CDH13: variants seen among roughly 807,000 people sequenced by gnomAD.
The protein encoded by CDH13 is cadherin 13.
A neutral mutation model predicts 63.8 loss-of-function variants in CDH13; 24 were observed. That is an observed-to-expected ratio of 0.38 (90% confidence interval 0.27 to 0.53). The LOEUF is 0.53. CDH13 is among the 20% of genes least tolerant of loss of function. CDH13 has a pLI of 0.85. For missense variants in CDH13, 1,049 were observed against 903.1 expected, an observed-to-expected ratio of 1.16 and a Z score of -2.07; for synonymous variants, 503 against 355.3, an observed-to-expected ratio of 1.42 and a Z score of -4.67.
At chr16:82,987,465 C>T (rs979484253) in intron 2 of CDH13, among the ~76,000 whole-genome samples, 1 of 152,166 alleles carries the variant, frequency 6.6e-6, no homozygotes, top group African/African-American at 2.4e-5. Flanking sequence ...CAACCTCCTC[C>T]TTCTAGGTTC....
intron 2 of CDH13, among the ~76,000 whole-genome samples, chr16:82,962,051 G>T (rs559029573): frequency 3.9e-5 from 6 of 152,178 alleles, no homozygotes; most frequent in Non-Finnish European, 8.8e-5. Context: ...GTGGCCCACT[G>T]GAAGACACCC....
chr16:83,352,555 C>T (rs1172598275), intron 6 of CDH13, among the ~76,000 whole-genome samples: 1 of 152,176 alleles, frequency 6.6e-6, no homozygotes, highest in Non-Finnish European at 1.5e-5. Flanking sequence ...CCACACCATA[C>T]ATACATACAC....
At chr16:82,890,810 C>G (rs1160939291) in intron 2 of CDH13, among the ~76,000 whole-genome samples, 1 of 152,056 alleles carries the variant, frequency 6.6e-6, no homozygotes, top group African/African-American at 2.4e-5. Flanking sequence ...CACCACCACG[C>G]CCAGCTAATT....
intron 8 of CDH13, among the ~76,000 whole-genome samples, chr16:83,662,552 G>A (rs552571432): frequency 1.5e-4 from 23 of 152,278 alleles, no homozygotes; most frequent in Admixed American, 4.6e-4. Flanking sequence ...GGGTGGCTGC[G>A]GAGATGAACC....
intron 5 of CDH13, among the ~76,000 whole-genome samples, chr16:83,295,646 A>G (rs180788664): frequency 6.6e-6 from 1 of 152,342 alleles, no homozygotes; most frequent in Admixed American, 6.5e-5. Flanking sequence ...ACCTGTTAAT[A>G]TGGCTGTTAT....
chr16:82,964,039 G>A (rs1015858813), intron 2 of CDH13, among the ~76,000 whole-genome samples: 5 of 152,114 alleles, frequency 3.3e-5, no homozygotes, highest in Admixed American at 6.6e-5. Flanking sequence ...CTCCCGAGTC[G>A]CTTTGTGTGC....
intron 7 of CDH13, among the ~76,000 whole-genome samples, chr16:83,527,052 A>G (rs1598222977): frequency 6.6e-6 from 1 of 151,650 alleles, no homozygotes; most frequent in Middle Eastern, 3.4e-3. Flanking sequence ...GATCACTTGA[A>G]CCCATGAGGC....
At chr16:82,736,939 C>A (rs370222805) in intron 1 of CDH13, among the ~76,000 whole-genome samples, 1 of 152,112 alleles carries the variant, frequency 6.6e-6, no homozygotes, top group Non-Finnish European at 1.5e-5. Context: ...GCAGCATAAT[C>A]GTGTTTCTTC....
intron 3 of CDH13, among the ~76,000 whole-genome samples, chr16:83,123,007 C>A (rs982280806): frequency 5.9e-5 from 9 of 152,086 alleles, no homozygotes; most frequent in African/African-American, 2.2e-4. Context: ...TGAGCTCCCA[C>A]CAAAAAGTGA....
Position 83,670,833 on chromosome 16 carries a change from A to G in CDH13, c.1145A>G (p.Asn382Ser), listed in dbSNP as rs188725381. 114 of 1,613,934 alleles carry G rather than the reference A, an allele frequency of 7.1e-5. No individual in the cohort carries two copies. Among genetic ancestry groups the G allele is most frequent in the Non-Finnish European group, 8.7e-5 (103 of 1,179,854 alleles). ...GAAGGAGCTGTGGGAGTTATTGTCA[A>G]TTTGACAGTTGAAGATAAGGATGAC... ...VEEGAVGVIV[N>S]LTVEDKDDPT... is the part of the protein sequence containing the mutation. The change falls in exon 9 of 14, where the codon AAT becomes AGT. Residue 382 changes from asparagine (N) to serine (S), a missense_variant. Transcript: ENST00000567109.
intron 3 of CDH13, among the ~76,000 whole-genome samples, chr16:83,079,636 C>A (rs1334355042): frequency 6.6e-6 from 1 of 152,120 alleles, no homozygotes; most frequent in Admixed American, 6.5e-5. Context: ...GTCATTGTTA[C>A]CATTATCCTT....
intron 7 of CDH13, among the ~76,000 whole-genome samples, chr16:83,590,678 G>C (rs979562078): frequency 6.6e-6 from 1 of 152,162 alleles, no homozygotes; most frequent in South Asian, 2.1e-4. Context: ...CATCATAAAT[G>C]GGTGAGTTTT....
At chr16:82,958,132 A>G (rs895947978) in intron 2 of CDH13, among the ~76,000 whole-genome samples, 1 of 152,154 alleles carries the variant, frequency 6.6e-6, no homozygotes, top group African/African-American at 2.4e-5. Context: ...TAAAATCCCA[A>G]TTCTACCCAT....
intron 2 of CDH13, among the ~76,000 whole-genome samples, chr16:82,960,793 G>A (rs897262911): frequency 6.6e-6 from 1 of 151,986 alleles, no homozygotes; most frequent in African/African-American, 2.4e-5. Flanking sequence ...TTTGTCTGTA[G>A]CAAGGTCGTA....
chr16:83,036,108 C>A (rs1057049710), intron 3 of CDH13, among the ~76,000 whole-genome samples: 1 of 150,740 alleles, frequency 6.6e-6, no homozygotes, highest in African/African-American at 2.4e-5. Flanking sequence ...GGGCCTCAGA[C>A]CTTAGCAGCA....
At chr16:83,101,791 C>G (rs1322003542) in intron 3 of CDH13, among the ~76,000 whole-genome samples, 3 of 152,062 alleles carry the variant, frequency 2.0e-5, no homozygotes, top group Non-Finnish European at 4.4e-5. Context: ...GAGATTTCAT[C>G]TCAATAAGGA....
intron 3 of CDH13, among the ~76,000 whole-genome samples, chr16:83,111,833 G>A (rs2035072118): frequency 6.6e-6 from 1 of 152,038 alleles, no homozygotes; most frequent in Non-Finnish European, 1.5e-5. Context: ...AAAACCTAAA[G>A]AGAAAGAGAA....
chr16:83,475,400 A>G (rs916312723), intron 6 of CDH13, among the ~76,000 whole-genome samples: 2 of 152,188 alleles, frequency 1.3e-5, no homozygotes, highest in African/African-American at 2.4e-5. Context: ...CCTGGCTATA[A>G]GATGCAAGGG....
chr16:82,797,253 C>G (rs2036627942), intron 1 of CDH13, among the ~76,000 whole-genome samples: 1 of 152,156 alleles, frequency 6.6e-6, no homozygotes, highest in South Asian at 2.1e-4. Context: ...GTGTGATTTG[C>G]TATAACCCAG....
Sources: allele counts gnomAD v4.1 joint callset (sites outside exome capture counted in the v4.1 genomes callset), GRCh38; gene constraint gnomAD v4.1.1; transcripts MANE v1.5; gene names NCBI Gene and HGNC (gene_info 2026-07-23, HGNC 2026-07-21).